The following PDE1C variants were observed in gnomAD, a reference collection of about 807,000 sequenced individuals.
PDE1C encodes phosphodiesterase 1C.
In PDE1C, 62 loss-of-function variants were observed where a neutral mutation model predicts 93.1. The ratio of observed to expected loss-of-function variants is 0.67; its 90% CI spans 0.54 to 0.82. The LOEUF is 0.82. Ranked by LOEUF, PDE1C falls within the 40% of genes least tolerant of loss-of-function variation. The pLI, the probability that PDE1C is intolerant of heterozygous loss-of-function variation, is 0.00. For synonymous variants in PDE1C, 325 were observed against 310.1 expected (o/e 1.05, Z -0.50); for missense variants, 742 against 884.6 (o/e 0.84, Z 2.04).
chr7:31,658,294 G>C, the PDE1C span: 22 of 1,499,392 alleles, frequency 1.5e-5, no homozygotes, highest in Non-Finnish European at 1.9e-5. Flanking sequence ...TGCAGAGCTG[G>C]ATCCCTTTTT....
At chr7:32,055,348 T>G (rs755093793) in intron 1 of PDE1C, among the ~76,000 whole-genome samples, 1 of 152,084 alleles carries the variant, frequency 6.6e-6, no homozygotes, top group Non-Finnish European at 1.5e-5. Context: ...CTTACACAAG[T>G]TAACTCACTT....
At chr7:32,410,804 C>T (rs894816239) in intron 1 of PDE1C, among the ~76,000 whole-genome samples, 1 of 152,178 alleles carries the variant, frequency 6.6e-6, no homozygotes, top group Non-Finnish European at 1.5e-5. Context: ...CTCACAGGCC[C>T]TTGATAACTC....
At chr7:32,372,472 A>G (rs568147801) in intron 1 of PDE1C, among the ~76,000 whole-genome samples, 16 of 152,334 alleles carry the variant, frequency 1.1e-4, no homozygotes, top group African/African-American at 3.6e-4. Flanking sequence ...TCCTCACACA[A>G]TACACGAAAT....
At chr7:32,318,875 T>C (rs1783226437) in intron 1 of PDE1C, among the ~76,000 whole-genome samples, 1 of 152,148 alleles carries the variant, frequency 6.6e-6, no homozygotes, top group South Asian at 2.1e-4. Context: ...CTGGAAACGC[T>C]TAGGAAACTC....
At chr7:32,290,479 C>T (rs1812263665) in intron 1 of PDE1C, among the ~76,000 whole-genome samples, 1 of 152,176 alleles carries the variant, frequency 6.6e-6, no homozygotes, top group South Asian at 2.1e-4. Context: ...CATTCCTCAA[C>T]CTCTTGAACC....
rs528446975 is a variant in PDE1C, at chr7:31,948,380, A to G, written c.129-67520T>C. On this transcript the variant is annotated intron_variant, in intron 2 of 17. Coordinates refer to ENST00000396191, the MANE Select transcript of PDE1C (RefSeq NM_001191057.4). ...GATAAATTGCACAGGTATATAGTTCAGCTTCCCTTTAACACAACAGTTTAC... is the reference window on the plus strand; with the variant it reads ...GATAAATTGCACAGGTATATAGTTCGGCTTCCCTTTAACACAACAGTTTAC... 2.6e-5 allele frequency among the ~76,000 whole-genome samples: 4 copies of G among 152,366 alleles called. No individual in the cohort carries two copies. In the East Asian group the frequency reaches 7.7e-4, roughly 29 times the overall value.
At chr7:31,815,856 C>T in intron 15 of PDE1C, 68 bp downstream of exon 15, 10 of 1,191,158 alleles carry the variant, frequency 8.4e-6, no homozygotes, top group Non-Finnish European at 1.3e-5. Flanking sequence ...TAGGGTTGTT[C>T]ACCAGTTTCC....
chr7:31,789,988 T>C (rs1784394205), intron 16 of PDE1C: 1 of 1,257,640 alleles, frequency 8.0e-7, no homozygotes, highest in Admixed American at 4.0e-5. Context: ...TGAGTAAAAA[T>C]CTCACGTTGT....
the PDE1C span, among the ~76,000 whole-genome samples, chr7:31,665,562 G>A: frequency 5.3e-5 from 8 of 152,026 alleles, no homozygotes; most frequent in African/African-American, 9.7e-5. Context: ...CAATCTCTAT[G>A]CACAAACAAG....
At chr7:31,963,606 G>T (rs935029144) in intron 2 of PDE1C, among the ~76,000 whole-genome samples, 15 of 152,080 alleles carry the variant, frequency 9.9e-5, no homozygotes, top group Admixed American at 6.6e-4. Context: ...TGTAATTTTT[G>T]AGAGTAATCT....
At chr7:31,886,770 A>ATCTATTCAGAATAGATCTTTTCG (rs1282388127) in intron 2 of PDE1C, among the ~76,000 whole-genome samples, 1 of 14,224 alleles carries the variant, frequency 7.0e-5, no homozygotes, top group African/African-American at 1.2e-4. Flanking sequence ...TGATCTATTC[A>ATCTATTCAGAATAGATCTTTTCG]GATCTATTCA....
At chr7:32,083,948 G>A (rs540622080) in intron 3 of PDE1C, among the ~76,000 whole-genome samples, 8 of 149,556 alleles carry the variant, frequency 5.3e-5, no homozygotes, top group Non-Finnish European at 7.4e-5. Flanking sequence ...ATCAACTAAC[G>A]AGCAAAATAA....
chr7:31,966,414 C>A (rs1292918761), intron 2 of PDE1C, among the ~76,000 whole-genome samples: 1 of 152,132 alleles, frequency 6.6e-6, no homozygotes, highest in Non-Finnish European at 1.5e-5. Context: ...ACTAACTATC[C>A]TAAATATATA....
chr7:31,819,994 C>T (rs1017896503), intron 14 of PDE1C, among the ~76,000 whole-genome samples: 3 of 152,016 alleles, frequency 2.0e-5, no homozygotes, highest in Admixed American at 6.6e-5. Flanking sequence ...AAGGTGTTCC[C>T]GCTTCCTGAA....
the PDE1C span, chr7:31,642,889 CT>C: frequency 2.5e-6 from 4 of 1,614,026 alleles, no homozygotes; most frequent in Non-Finnish European, 3.4e-6. Context: ...GGAAGAGTTT[CT>C]GCTTGAGGCC....
chr7:32,374,425 G>A (rs1391437529), intron 1 of PDE1C, among the ~76,000 whole-genome samples: 2 of 152,202 alleles, frequency 1.3e-5, no homozygotes, highest in South Asian at 2.1e-4. Flanking sequence ...TAGAGAAAAG[G>A]CAATTGTTTG....
the PDE1C span, among the ~76,000 whole-genome samples, chr7:31,619,188 G>C: frequency 6.6e-6 from 1 of 152,148 alleles, no homozygotes; most frequent in Non-Finnish European, 1.5e-5. Flanking sequence ...TACAGGCAAG[G>C]TGTCCTTTCT....
chr7:31,709,165 G>A, the PDE1C span, among the ~76,000 whole-genome samples: 4 of 152,114 alleles, frequency 2.6e-5, no homozygotes, highest in African/African-American at 7.2e-5. Flanking sequence ...AGAGATGCTC[G>A]ATAACTTCTG....
chr7:32,273,755 A>G (rs1446312911), intron 1 of PDE1C, among the ~76,000 whole-genome samples: 1 of 152,218 alleles, frequency 6.6e-6, no homozygotes, highest in Admixed American at 6.5e-5. Context: ...CAACTGACTC[A>G]TCACCAAAAT....
Sources: gnomAD v4.1 joint callset for allele counts (sites outside exome capture counted in the v4.1 genomes callset) on GRCh38, gnomAD v4.1.1 for gene constraint, MANE v1.5 for transcripts, NCBI Gene and HGNC (gene_info 2026-07-23, HGNC 2026-07-21) for gene names.